The following GBE1 variants were observed in gnomAD, a reference collection of about 807,000 sequenced individuals.
GBE1 encodes 1,4-alpha-glucan branching enzyme 1, also known as 1,4-alpha-glucan-branching enzyme.
Under a neutral mutation model 88.8 loss-of-function variants are expected in GBE1, and 70 were observed. The ratio of observed to expected loss-of-function variants is 0.79; its 90% CI spans 0.65 to 0.96. The LOEUF is 0.96. Ranked by LOEUF, GBE1 falls within the 40% of genes least tolerant of loss-of-function variation. The pLI is 0.00. For missense variants in GBE1, 872 were observed against 871.0 expected (o/e 1.00, Z -0.01); for synonymous variants, 284 against 300.1 (o/e 0.95, Z 0.56).
intron 9 of GBE1, 124 bp downstream of exon 9, chr3:81,590,913 A>T: frequency 1.3e-6 from 1 of 763,948 alleles, no homozygotes; most frequent in Non-Finnish European, 2.0e-6. Flanking sequence ...GCTGCACTAT[A>T]CTCAGGGTAG....
At chr3:81,600,922 G>A (rs935141593) in intron 7 of GBE1, among the ~76,000 whole-genome samples, 5 of 151,888 alleles carry the variant, frequency 3.3e-5, no homozygotes, top group African/African-American at 7.2e-5. Context: ...ACATGCATGC[G>A]TGTGTGTGTG....
Position 81,501,686 on chromosome 3 carries a change from C to CTTTTTTTTTTTT in GBE1, c.1935-2471_1935-2460dup, listed in dbSNP as rs35149061. On this transcript the variant is annotated intron_variant, in intron 14 of 15. Coordinates refer to ENST00000429644, the MANE Select transcript of GBE1 (RefSeq NM_000158.4). The stretch of plus-strand genomic sequence containing the variant: ...GAATTCCCTCATTTACTTAGGGGCA[C>CTTTTTTTTTTTT]TTTTTTTTTTTTTTTTTTTTTTTTT... Among the ~76,000 whole-genome samples the CTTTTTTTTTTTT allele has an allele frequency of 5.1e-4, 37 of 71,992 alleles. 8 individuals are homozygous for CTTTTTTTTTTTT. Among genetic ancestry groups the CTTTTTTTTTTTT allele is most frequent in the African/African-American group, 1.4e-3 (24 of 16,790 alleles). 47.2% of individuals were successfully genotyped at this position (71,992 alleles called of 152,430 possible). A position where few individuals can be genotyped will look rare whatever the true frequency, so the allele number is the denominator to read the frequency against.
chr3:81,748,679 G>T (rs564903654), intron 1 of GBE1, among the ~76,000 whole-genome samples: 1 of 151,906 alleles, frequency 6.6e-6, no homozygotes. Flanking sequence ...CAGATCAACT[G>T]CATCCAGTGG....
At chr3:81,629,256 C>T (rs1340637311) in intron 7 of GBE1, among the ~76,000 whole-genome samples, 2 of 142,144 alleles carry the variant, frequency 1.4e-5, no homozygotes, top group African/African-American at 5.3e-5. Flanking sequence ...TCAATTCCCA[C>T]CTATGAGTGA....
intron 1 of GBE1, among the ~76,000 whole-genome samples, chr3:81,715,992 T>G (rs767634702): frequency 6.6e-6 from 1 of 152,178 alleles, no homozygotes; most frequent in Non-Finnish European, 1.5e-5. Context: ...AAAATAAAAT[T>G]TAAACATTAA....
At chr3:81,520,881 G>A (rs763637974) in intron 14 of GBE1, among the ~76,000 whole-genome samples, 3 of 151,526 alleles carry the variant, frequency 2.0e-5, no homozygotes, top group South Asian at 2.1e-4. Flanking sequence ...GAATATGGCT[G>A]TAGATTCTAC....
rs145319836 is a variant in GBE1, at chr3:81,578,518, T to C, written c.1447-422A>G. On this transcript the variant is annotated intron_variant, in intron 11 of 15. Transcript: ENST00000429644. ...AAAAATCATTGATATATAATATATA[T>C]ATATTATTTTGCTCATATATATGAG... is the stretch of plus-strand genomic sequence containing the variant. Among the ~76,000 whole-genome samples, 3 of 151,050 alleles carry C rather than the reference T, an allele frequency of 2.0e-5. No individual in the cohort carries two copies. In the East Asian group the frequency reaches 5.8e-4, roughly 29 times the overall value.
At chr3:81,649,683 G>T (rs566305770) in intron 4 of GBE1, 113 bp downstream of exon 4, 5 of 762,998 alleles carry the variant, frequency 6.6e-6, no homozygotes, top group South Asian at 1.9e-5. Context: ...TGTAAAATAC[G>T]CAACTGTCAG....
intron 10 of GBE1, among the ~76,000 whole-genome samples, chr3:81,585,456 T>C (rs907856861): frequency 1.3e-5 from 2 of 152,116 alleles, no homozygotes; most frequent in African/African-American, 4.8e-5. Flanking sequence ...AGAAATGTTC[T>C]ATATCAAACC....
intron 2 of GBE1, among the ~76,000 whole-genome samples, chr3:81,682,746 A>G (rs1007759704): frequency 6.6e-5 from 10 of 152,200 alleles, no homozygotes; most frequent in African/African-American, 2.4e-4. Flanking sequence ...TTCCACTCCA[A>G]CCTGGATATC....
chr3:81,729,228 A>G (rs984742684), intron 1 of GBE1, among the ~76,000 whole-genome samples: 1 of 152,124 alleles, frequency 6.6e-6, no homozygotes, highest in Non-Finnish European at 1.5e-5. Flanking sequence ...AAACTACCCA[A>G]ACAAGTGACT....
intron 3 of GBE1, among the ~76,000 whole-genome samples, chr3:81,653,523 A>T (rs1316575575): frequency 6.6e-6 from 1 of 152,082 alleles, no homozygotes; most frequent in East Asian, 1.9e-4. Flanking sequence ...AAGTAACTTC[A>T]ATGAATCAGC....
chr3:81,536,814 C>T, intron 13 of GBE1, 97 bp downstream of exon 13: 4 of 895,986 alleles, frequency 4.5e-6, no homozygotes, highest in Non-Finnish European at 6.8e-6. Flanking sequence ...TAATAAATTG[C>T]TGTTTAAAAG....
intron 7 of GBE1, chr3:81,612,135 G>C: frequency 3.4e-6 from 1 of 298,448 alleles, no homozygotes; most frequent in Non-Finnish European, 6.2e-6. Context: ...TTTTAGGCAG[G>C]AATGGTTCAT....
intron 1 of GBE1, among the ~76,000 whole-genome samples, chr3:81,720,035 A>T (rs1482239739): frequency 2.6e-5 from 4 of 152,188 alleles, no homozygotes; most frequent in Non-Finnish European, 2.9e-5. Flanking sequence ...ATCTCAGGAG[A>T]TATATATATT....
intron 1 of GBE1, among the ~76,000 whole-genome samples, chr3:81,734,365 C>T (rs1269289793): frequency 6.6e-6 from 1 of 152,070 alleles, no homozygotes; most frequent in African/African-American, 2.4e-5. Context: ...TTTCAAATTA[C>T]TATCAAGTTC....
intron 7 of GBE1, among the ~76,000 whole-genome samples, chr3:81,630,897 A>C (rs140190272): frequency 6.6e-6 from 1 of 152,142 alleles, no homozygotes; most frequent in Non-Finnish European, 1.5e-5. Flanking sequence ...ATAGGATCCT[A>C]AGAAATATAT....
intron 14 of GBE1, among the ~76,000 whole-genome samples, chr3:81,500,417 G>A (rs1208131546): frequency 6.6e-6 from 1 of 151,804 alleles, no homozygotes; most frequent in Non-Finnish European, 1.5e-5. Flanking sequence ...GAAATATTGT[G>A]GAATTTAAAA....
chr3:81,496,293 G>C (rs768829986), intron 15 of GBE1, among the ~76,000 whole-genome samples: 21 of 152,184 alleles, frequency 1.4e-4, no homozygotes, highest in Admixed American at 3.3e-4. Context: ...CAGCTTCACA[G>C]TTTCAACTGA....
Sources: allele counts gnomAD v4.1 joint callset (sites outside exome capture counted in the v4.1 genomes callset), GRCh38; gene constraint gnomAD v4.1.1; transcripts MANE v1.5; gene names NCBI Gene and HGNC (gene_info 2026-07-23, HGNC 2026-07-21).